The following LRRC36 variants were observed in gnomAD, a reference collection of about 807,000 sequenced individuals.
LRRC36 encodes the protein leucine rich repeat containing 36.
Under a neutral mutation model 81.1 loss-of-function variants are expected in LRRC36, and 62 were observed. That is an observed-to-expected ratio of 0.76 (90% CI 0.62 to 0.94). The LOEUF (loss-of-function observed/expected upper bound fraction) is 0.94, where lower values mean the gene tolerates loss of function less well. Among genes scored for constraint, LRRC36 ranks in the 40% least tolerant of loss-of-function variants. The pLI, the probability that LRRC36 is intolerant of heterozygous loss-of-function variation, is 0.00. For synonymous variants in LRRC36, 334 were observed against 348.6 expected, an observed-to-expected ratio of 0.96 and a Z score of 0.47; for missense variants, 761 against 881.7, an observed-to-expected ratio of 0.86 and a Z score of 1.73.
intron 5 of LRRC36, among the ~76,000 whole-genome samples, chr16:67,353,607 G>A (rs1297616808): frequency 1.3e-5 from 2 of 152,102 alleles, no homozygotes; most frequent in African/African-American, 2.4e-5. Flanking sequence ...GGCTGGTCTC[G>A]AACTCCTGGC....
chr16:67,347,300 A>T, intron 3 of LRRC36, 195 bp from the exon 4 acceptor site: 1 of 1,019,618 alleles, frequency 9.8e-7, no homozygotes, highest in Admixed American at 3.2e-5. Flanking sequence ...AGTGGTCGCT[A>T]TGGCTTCCTG....
At position 67,365,342 on chromosome 16, in the gene LRRC36, T is replaced by C. The variant is rs767556170; in HGVS notation, c.741T>C (p.Asn247=). ...EVARREMPSD[N]HQEDEFRHYS... is the part of the protein sequence containing the mutation. ...CAAGAAGGGAGATGCCAAGTGACAA[T>C]CACCAGGAAGATGGTAAATATTTTG... is the stretch of plus-strand genomic sequence containing the variant. Residue 247 remains asparagine (N), a synonymous_variant, in exon 7 of 14, where the codon AAT becomes AAC. Coordinates refer to ENST00000329956, the MANE Select transcript of LRRC36 (RefSeq NM_018296.6). 1 of 1,613,102 alleles carries C rather than the reference T, an allele frequency of 6.2e-7. No homozygotes were observed.
chr16:67,346,532 T>C, intron 3 of LRRC36, 84 bp downstream of exon 3: 3 of 773,352 alleles, frequency 3.9e-6, no homozygotes, highest in Non-Finnish European at 6.1e-6. Context: ...TGGCCCACAG[T>C]GTGCACTGGC....
At chr16:67,327,072 G>T (rs1160066426) in intron 1 of LRRC36, 140 bp downstream of exon 1, 9 of 712,110 alleles carry the variant, frequency 1.3e-5, no homozygotes, top group South Asian at 2.1e-5. Flanking sequence ...GGGGCGGGGG[G>T]ATAACTTGAG....
chr16:67,366,827 T>C (rs2039417061), intron 7 of LRRC36, among the ~76,000 whole-genome samples, 190 bp from the exon 8 acceptor site: 1 of 152,166 alleles, frequency 6.6e-6, no homozygotes, highest in Non-Finnish European at 1.5e-5. Flanking sequence ...CCACATTTTA[T>C]TGGTGGTGGT....
rs77758571 is a variant in LRRC36 at position 67,377,218 on chromosome 16, C to T, written c.1806+346C>T. 5.4e-3 allele frequency among the ~76,000 whole-genome samples: 820 copies of T among 152,300 alleles called. 23 individuals are homozygous for T. Among genetic ancestry groups the T allele is most frequent in the East Asian group, 0.037 (193 of 5,184 alleles). On this transcript the variant is annotated intron_variant, in intron 11 of 13. Transcript: ENST00000329956. ...GGGATTGTCTTTCCTCCCTTCTAAG[C>T]GAGCTGAGAGCCCTGAACCAGGGGC...
chr16:67,341,632 C>T (rs953963083), intron 1 of LRRC36, among the ~76,000 whole-genome samples: 2 of 151,834 alleles, frequency 1.3e-5, no homozygotes, highest in Admixed American at 1.3e-4. Flanking sequence ...TATAACCTGC[C>T]AAAATTTTGT....
At chr16:67,377,610 G>T (rs1311854832) in intron 11 of LRRC36, among the ~76,000 whole-genome samples, 1 of 151,942 alleles carries the variant, frequency 6.6e-6, no homozygotes, top group Non-Finnish European at 1.5e-5. Flanking sequence ...GGGATTACAG[G>T]CATGAGCCAC....
At chr16:67,353,639 G>A (rs773303435) in intron 5 of LRRC36, among the ~76,000 whole-genome samples, 30 of 152,054 alleles carry the variant, frequency 2.0e-4, no homozygotes, top group African/African-American at 6.3e-4. Context: ...CACGTTCCTC[G>A]GCCTCCCAAG....
chr16:67,385,128 C>T lies in LRRC36; in HGVS notation c.*39C>T. On this transcript the variant is annotated 3_prime_UTR_variant, in exon 14 of 14. Coordinates refer to ENST00000329956, the MANE Select transcript of LRRC36 (RefSeq NM_018296.6). The stretch of plus-strand genomic sequence containing the variant: ...CTCACACCACAGCTTCCCTGGTCCA[C>T]AGAGGCTCTCACCGCCATTGCCACC... 1 of 1,516,012 alleles carries T rather than the reference C, an allele frequency of 6.6e-7. No individual in the cohort carries two copies. The highest frequency in any genetic ancestry group is 9.1e-7 in the Non-Finnish European group (1 of 1,095,318). 93.9% of individuals were successfully genotyped at this position (1,516,012 alleles called of 1,614,324 possible). A position where few individuals can be genotyped will look rare whatever the true frequency, so the allele number is the denominator to read the frequency against.
In LRRC36 at chr16:67,350,272, G is replaced by T. The variant is rs770677805; in HGVS notation, c.559G>T (p.Asp187Tyr). The T allele has an allele frequency of 6.2e-7, 1 of 1,611,960 alleles. No homozygotes were observed. The highest frequency in any genetic ancestry group is 8.5e-7 in the Non-Finnish European group (1 of 1,179,202). The part of the protein sequence containing the change: ...SSASKVSANV[D>Y]SRIEMDSNKG... ...TGCATCAAAAGTCAGTGCTAATGTTGACAGCAGGATTGAAATGGGTAAGTT... is the reference window on the plus strand; with the variant it reads ...TGCATCAAAAGTCAGTGCTAATGTTTACAGCAGGATTGAAATGGGTAAGTT... Residue 187 changes from aspartate to tyrosine, a missense_variant, in exon 5 of 14, where the codon GAC becomes TAC. Transcript: ENST00000329956.
At chr16:67,344,222 A>G (rs2038238026) in intron 2 of LRRC36, among the ~76,000 whole-genome samples, 1 of 152,232 alleles carries the variant, frequency 6.6e-6, no homozygotes, top group South Asian at 2.1e-4. Context: ...TGGGGAATAC[A>G]TAAATTCATG....
intron 2 of LRRC36, 117 bp downstream of exon 2, chr16:67,342,201 C>A: frequency 1.7e-6 from 1 of 572,964 alleles, no homozygotes; most frequent in Non-Finnish European, 2.7e-6. Context: ...TAAATGATTC[C>A]CAACTAAATT....
chr16:67,334,005 C>T (rs954561733), intron 1 of LRRC36, among the ~76,000 whole-genome samples: 1 of 151,860 alleles, frequency 6.6e-6, no homozygotes, highest in South Asian at 2.1e-4. Context: ...ACAATTATGT[C>T]GTGTCCACCA....
chr16:67,378,710 A>T lies in LRRC36; in HGVS notation c.1928A>T (p.Tyr643Phe). ...SIVSGQQSHT[Y>F]DDLLHKNQQL... The stretch of plus-strand genomic sequence containing the variant: ...GTGAGTGGGCAACAGTCACATACTT[A>T]TGGTAAGTTGAGGAAAGCCATGATA... Residue 643 changes from tyrosine to phenylalanine, a missense_variant and splice_region_variant, in exon 12 of 14, where the codon TAT (tyrosine) becomes TTT (phenylalanine). Transcript: ENST00000329956. 1.2e-6 allele frequency: 2 copies of T among 1,613,670 alleles called. No homozygotes were observed. Among genetic ancestry groups the T allele is most frequent in the Non-Finnish European group, 1.7e-6 (2 of 1,179,736 alleles).
intron 5 of LRRC36, among the ~76,000 whole-genome samples, chr16:67,357,937 C>T (rs967998392): frequency 1.4e-4 from 22 of 152,256 alleles, no homozygotes; most frequent in African/African-American, 5.1e-4. Flanking sequence ...AATTTTCAAA[C>T]AAATTGTCCT....
At chr16:67,370,876 G>T in intron 8 of LRRC36, 68 bp from the exon 9 acceptor site, 3 of 1,339,056 alleles carry the variant, frequency 2.2e-6, no homozygotes, top group Non-Finnish European at 2.1e-6. Context: ...TACAGGCAAG[G>T]TATGGATAGA....
intron 2 of LRRC36, among the ~76,000 whole-genome samples, chr16:67,343,277 T>G (rs2038178910): frequency 6.6e-6 from 1 of 152,118 alleles, no homozygotes; most frequent in South Asian, 2.1e-4. Flanking sequence ...ATAATCAAAT[T>G]AGGGCTGGGC....
intron 2 of LRRC36, among the ~76,000 whole-genome samples, chr16:67,342,621 A>G (rs1375612263): frequency 2.0e-5 from 3 of 152,210 alleles, no homozygotes; most frequent in Non-Finnish European, 2.9e-5. Context: ...GGGACCAAGC[A>G]TGAACAGTGT....
Sources: gnomAD v4.1 joint callset for allele counts (sites outside exome capture counted in the v4.1 genomes callset) on GRCh38, gnomAD v4.1.1 for gene constraint, MANE v1.5 for transcripts, NCBI Gene and HGNC (gene_info 2026-07-23, HGNC 2026-07-21) for gene names.